SPTBN1: variants seen among roughly 807,000 people sequenced by gnomAD.
SPTBN1 encodes the protein spectrin beta, non-erythrocytic 1.
In SPTBN1, 32 loss-of-function variants were observed where a neutral mutation model predicts 266.4. The observed-to-expected ratio is 0.12, with a 90% CI of 0.09 to 0.16. SPTBN1 has a LOEUF of 0.16. SPTBN1 is among the 10% of genes least tolerant of loss of function. SPTBN1 has a pLI of 1.00. For synonymous variants in SPTBN1, 1,336 were observed against 1,162.2 expected, an observed-to-expected ratio of 1.15 and a Z score of -3.04; for missense variants, 2,296 against 3,067.1, an observed-to-expected ratio of 0.75 and a Z score of 5.94.
At chr2:54,667,970 C>G (rs1336829027) in intron 35 of SPTBN1, among the ~76,000 whole-genome samples, 1 of 152,164 alleles carries the variant, frequency 6.6e-6, no homozygotes. Flanking sequence ...TCGCCAGCAG[C>G]CAGCTGTTTA....
chr2:54,507,736 T>TG (rs1669649238), intron 1 of SPTBN1, among the ~76,000 whole-genome samples: 1 of 152,038 alleles, frequency 6.6e-6, no homozygotes, highest in Non-Finnish European at 1.5e-5. Context: ...TTTTTAATGT[T>TG]GTCATATACC....
chr2:54,645,599 T>C lies in SPTBN1; in HGVS notation c.4494+146T>C, dbSNP rs1679872038. The C allele has an allele frequency of 3.7e-6, 3 of 812,030 alleles. No individual in the cohort carries two copies. Among genetic ancestry groups the C allele is most frequent in the Non-Finnish European group, 5.7e-6 (3 of 522,616 alleles). The allele number at this position is 812,030 out of a possible 1,614,324, so 50.3% of individuals were successfully genotyped here. A position where few individuals can be genotyped will look rare whatever the true frequency, so the allele number is the denominator to read the frequency against. On this transcript the variant is annotated intron_variant, in intron 21 of 35. Coordinates refer to ENST00000356805, the MANE Select transcript of SPTBN1 (RefSeq NM_003128.3). The surrounding 1 kb of genome is among the most constrained non-coding windows in gnomAD (Gnocchi z 4.3). The stretch of plus-strand genomic sequence containing the variant: ...AGTCCACGCTCTGGATGGTCTAAAG[T>C]TTCTTTCCCTTTTCACCCTAAATGT...
chr2:54,519,360 A>G (rs1009067680), intron 1 of SPTBN1, among the ~76,000 whole-genome samples: 4 of 152,200 alleles, frequency 2.6e-5, no homozygotes, highest in African/African-American at 9.7e-5. Flanking sequence ...AGCGGTGCAT[A>G]AGGTGTCGGA....
At chr2:54,513,736 C>G (rs1427321535) in intron 1 of SPTBN1, among the ~76,000 whole-genome samples, 1 of 152,090 alleles carries the variant, frequency 6.6e-6, no homozygotes, top group East Asian at 1.9e-4. Flanking sequence ...CAGTTAATTT[C>G]AGTTTTTTAA....
intron 1 of SPTBN1, among the ~76,000 whole-genome samples, chr2:54,488,683 A>G (rs190646442): frequency 6.6e-6 from 1 of 152,252 alleles, no homozygotes; most frequent in East Asian, 1.9e-4. Context: ...TTCACCATAA[A>G]AAAAGTCTTA....
chr2:54,486,372 A>G (rs1246102879), intron 1 of SPTBN1, among the ~76,000 whole-genome samples: 2 of 152,222 alleles, frequency 1.3e-5, no homozygotes, highest in Admixed American at 6.5e-5. Context: ...TTTGTTCTGT[A>G]CTAAGAAAAA....
At chr2:54,634,170 G>T (rs1389780123) in intron 17 of SPTBN1, among the ~76,000 whole-genome samples, 1 of 152,154 alleles carries the variant, frequency 6.6e-6, no homozygotes, top group African/African-American at 2.4e-5. Context: ...AGGCGGGCTT[G>T]GCTGTTAGGG....
chr2:54,565,729 T>C (rs1673618061), intron 2 of SPTBN1, among the ~76,000 whole-genome samples: 2 of 152,246 alleles, frequency 1.3e-5, no homozygotes, highest in African/African-American at 4.8e-5. Flanking sequence ...CTGCCAGGTC[T>C]GCTTCACAAG....
chr2:54,476,559 T>C (rs1460249688), intron 1 of SPTBN1, among the ~76,000 whole-genome samples: 1 of 152,236 alleles, frequency 6.6e-6, no homozygotes, highest in Admixed American at 6.5e-5. Flanking sequence ...TAACAGGCAT[T>C]CTGGAGGTGG....
Position 54,669,431 on chromosome 2 carries a change from T to C in SPTBN1, c.*862T>C, listed in dbSNP as rs1681601438. On this transcript the variant is annotated 3_prime_UTR_variant, in exon 36 of 36. Coordinates refer to ENST00000356805, the MANE Select transcript of SPTBN1 (RefSeq NM_003128.3). ...GCTCGTGCGTTGCCACACTGTGTTA[T>C]AATTTGCTTCATTTCCTTGCTATTT... 6.5e-6 allele frequency: 1 copy of C among 152,672 alleles called. No homozygotes were observed. Among genetic ancestry groups the C allele is most frequent in the African/African-American group, 2.4e-5 (1 of 41,462 alleles). 9.5% of individuals were successfully genotyped at this position (152,672 alleles called of 1,614,324 possible). A position where few individuals can be genotyped will look rare whatever the true frequency, so the allele number is the denominator to read the frequency against.
intron 2 of SPTBN1, among the ~76,000 whole-genome samples, chr2:54,584,801 A>T (rs189054250): frequency 3.6e-4 from 55 of 152,324 alleles, no homozygotes; most frequent in African/African-American, 1.1e-3. Flanking sequence ...ATAAGACTAC[A>T]CCTAAGACAA....
At chr2:54,650,056 G>A (rs1326066833) in intron 26 of SPTBN1, 67 bp downstream of exon 26, 11 of 1,524,514 alleles carry the variant, frequency 7.2e-6, no homozygotes, top group Non-Finnish European at 9.6e-6. Context: ...TTGGGCATCT[G>A]TAAGTATCTC....
At chr2:54,532,267 C>T (rs972607237) in intron 2 of SPTBN1, among the ~76,000 whole-genome samples, 3 of 152,054 alleles carry the variant, frequency 2.0e-5, no homozygotes, top group Admixed American at 6.6e-5. Context: ...CCAGCCCGGG[C>T]GACAGTATGA....
intron 1 of SPTBN1, among the ~76,000 whole-genome samples, chr2:54,459,614 G>A (rs567789167): frequency 3.3e-5 from 5 of 151,212 alleles, no homozygotes; most frequent in South Asian, 4.2e-4. Flanking sequence ...TTTTTTTTAC[G>A]TGCAATGACA....
In SPTBN1 at chr2:54,625,920, GT is replaced by G; in HGVS notation, c.1342-9del. 6.2e-7 allele frequency: 1 copy of G among 1,608,772 alleles called. No homozygotes were observed. Among genetic ancestry groups the G allele is most frequent in the Non-Finnish European group, 8.5e-7 (1 of 1,175,704 alleles). ...TTTTTATTTTCCTTCTTTTCATTCC[GT>G]TTCTCTGTAGGACAACTTTGGGTTT... On this transcript the variant is annotated splice_polypyrimidine_tract_variant and intron_variant, in intron 11 of 35. Transcript: ENST00000356805.
chr2:54,561,238 T>C (rs1673276608), intron 2 of SPTBN1, among the ~76,000 whole-genome samples: 1 of 152,208 alleles, frequency 6.6e-6, no homozygotes. Flanking sequence ...CTTGAAGTCC[T>C]GGCTCAAGCC....
chr2:54,565,441 C>T (rs576661074), intron 2 of SPTBN1, among the ~76,000 whole-genome samples: 1 of 152,280 alleles, frequency 6.6e-6, no homozygotes, highest in Non-Finnish European at 1.5e-5. Context: ...CCTCTTCTGC[C>T]TCAGATGACC....
At chr2:54,605,067 G>C (rs181579208) in intron 3 of SPTBN1, among the ~76,000 whole-genome samples, 1 of 152,190 alleles carries the variant, frequency 6.6e-6, no homozygotes, top group Non-Finnish European at 1.5e-5. Flanking sequence ...GACAGAGGAC[G>C]CTTCTTTCCT....
At chr2:54,458,097 T>C (rs1021416585) in intron 1 of SPTBN1, among the ~76,000 whole-genome samples, 1 of 152,242 alleles carries the variant, frequency 6.6e-6, no homozygotes, top group Non-Finnish European at 1.5e-5. Flanking sequence ...TAATTTTTTC[T>C]ACGTGAAAAG....
Sources: gnomAD v4.1 joint callset for allele counts (sites outside exome capture counted in the v4.1 genomes callset) on GRCh38, gnomAD v4.1.1 for gene constraint, Gnocchi (gnomAD v3.1) non-coding constraint, MANE v1.5 for transcripts, NCBI Gene and HGNC (gene_info 2026-07-23, HGNC 2026-07-21) for gene names.